The following SLC25A21 variants were observed in gnomAD, a reference collection of about 807,000 sequenced individuals.
SLC25A21 encodes solute carrier family 25 member 21, also known as mitochondrial 2-oxodicarboxylate carrier.
A neutral mutation model predicts 43.8 loss-of-function variants in SLC25A21; 47 were observed. The observed-to-expected ratio is 1.07, with a 90% CI of 0.85 to 1.37. SLC25A21 has a LOEUF of 1.37. Ranked by LOEUF, SLC25A21 falls within the 40% of genes most tolerant of loss-of-function variation. The pLI, the probability that SLC25A21 is intolerant of heterozygous loss-of-function variation, is 0.00. For synonymous variants in SLC25A21, 131 were observed against 121.3 expected (o/e 1.08, Z -0.52); for missense variants, 352 against 350.2 (o/e 1.00, Z -0.04).
chr14:37,040,385 A>AAGAG (rs1961439927), intron 1 of SLC25A21, among the ~76,000 whole-genome samples: 1 of 66,900 alleles, frequency 1.5e-5, no homozygotes, highest in Non-Finnish European at 2.6e-5. Flanking sequence ...GAAAGAAAGA[A>AAGAG]AGAAAGAAAG....
chr14:36,902,002 T>C (rs1353448541), intron 1 of SLC25A21, among the ~76,000 whole-genome samples: 1 of 152,210 alleles, frequency 6.6e-6, no homozygotes, highest in African/African-American at 2.4e-5. Flanking sequence ...TTAAAAGTTA[T>C]GCATTCTTTT....
intron 2 of SLC25A21, among the ~76,000 whole-genome samples, chr14:36,833,082 T>C (rs1889092131): frequency 6.6e-6 from 1 of 152,148 alleles, no homozygotes; most frequent in South Asian, 2.1e-4. Context: ...TATCAGGCAT[T>C]AAGGATACCA....
chr14:36,962,269 T>A (rs2138675462), intron 1 of SLC25A21, among the ~76,000 whole-genome samples: 1 of 152,316 alleles, frequency 6.6e-6, no homozygotes. Flanking sequence ...GATGGTAAAA[T>A]AGTTACTACG....
chr14:36,744,898 T>C (rs960627514), intron 3 of SLC25A21, among the ~76,000 whole-genome samples: 1 of 151,956 alleles, frequency 6.6e-6, no homozygotes, highest in Non-Finnish European at 1.5e-5. Context: ...CTAGGGTACA[T>C]GTACACAACG....
chr14:37,156,846 C>A (rs1461715452), intron 1 of SLC25A21, among the ~76,000 whole-genome samples: 1 of 151,968 alleles, frequency 6.6e-6, no homozygotes, highest in African/African-American at 2.4e-5. Context: ...GACTTCAACA[C>A]CCTACTTTCA....
intron 6 of SLC25A21, 80 bp downstream of exon 6, chr14:36,725,490 A>C: frequency 2.6e-6 from 1 of 385,722 alleles, no homozygotes; most frequent in Non-Finnish European, 4.1e-6. Flanking sequence ...TAAATAAATA[A>C]ATAAATAAAT....
chr14:36,797,269 A>G (rs535006619), intron 3 of SLC25A21, among the ~76,000 whole-genome samples: 3 of 152,322 alleles, frequency 2.0e-5, no homozygotes, highest in African/African-American at 7.2e-5. Flanking sequence ...CCATTCATAG[A>G]AAGATCAGAT....
chr14:36,748,468 C>T (rs936619927), intron 3 of SLC25A21, among the ~76,000 whole-genome samples: 1 of 152,206 alleles, frequency 6.6e-6, no homozygotes, highest in Non-Finnish European at 1.5e-5. Flanking sequence ...ACTGAGTCAA[C>T]GTCTACATGT....
intron 3 of SLC25A21, among the ~76,000 whole-genome samples, chr14:36,746,494 G>C (rs1253709942): frequency 6.6e-6 from 1 of 152,028 alleles, no homozygotes. Context: ...CCACCTACTG[G>C]GTATAATGTA....
chr14:36,889,323 T>G (rs1891014095), intron 1 of SLC25A21, among the ~76,000 whole-genome samples: 1 of 152,188 alleles, frequency 6.6e-6, no homozygotes, highest in Non-Finnish European at 1.5e-5. Context: ...TGAAACTGAC[T>G]GCATGTCATG....
intron 2 of SLC25A21, among the ~76,000 whole-genome samples, chr14:36,830,047 T>C (rs1006975650): frequency 6.6e-6 from 1 of 152,108 alleles, no homozygotes; most frequent in Non-Finnish European, 1.5e-5. Flanking sequence ...GAATCCAAGT[T>C]ATTACATTTA....
intron 2 of SLC25A21, among the ~76,000 whole-genome samples, chr14:36,825,189 A>C (rs2138468804): frequency 6.6e-6 from 1 of 152,294 alleles, no homozygotes; most frequent in Admixed American, 6.5e-5. Context: ...TGCGTACTGA[A>C]TGCCTGAGGA....
chr14:36,689,538 TA>T (rs909209322), intron 7 of SLC25A21, among the ~76,000 whole-genome samples: 1 of 152,210 alleles, frequency 6.6e-6, no homozygotes, highest in Admixed American at 6.5e-5. Flanking sequence ...ACAAAGAGGC[TA>T]AAAATAGGAA....
chr14:36,705,776 G>A (rs944025424), intron 7 of SLC25A21, among the ~76,000 whole-genome samples: 1 of 152,080 alleles, frequency 6.6e-6, no homozygotes, highest in Admixed American at 6.5e-5. Context: ...GTCAGAGTGC[G>A]TGAAATCTCA....
chr14:37,112,126 CTTCA>C (rs978342916), intron 1 of SLC25A21, among the ~76,000 whole-genome samples: 16 of 151,680 alleles, frequency 1.1e-4, no homozygotes, highest in African/African-American at 3.6e-4. Context: ...TCTTTCCTTC[CTTCA>C]TTATTTTCTC....
intron 2 of SLC25A21, among the ~76,000 whole-genome samples, chr14:36,864,584 C>A (rs945597979): frequency 9.9e-5 from 15 of 152,182 alleles, no homozygotes; most frequent in Non-Finnish European, 1.5e-4. Flanking sequence ...TGGTCATGCA[C>A]CTTCAAAAGC....
intron 1 of SLC25A21, among the ~76,000 whole-genome samples, chr14:37,043,370 A>C (rs976871820): frequency 1.3e-5 from 2 of 152,182 alleles, no homozygotes; most frequent in African/African-American, 4.8e-5. Context: ...GCATGGTCCA[A>C]AAGACCGTTC....
At chr14:36,800,890 A>G (rs1286395458) in intron 3 of SLC25A21, among the ~76,000 whole-genome samples, 1 of 152,134 alleles carries the variant, frequency 6.6e-6, no homozygotes, top group African/African-American at 2.4e-5. Context: ...TATTGAGTAG[A>G]GGACACTGTG....
At chr14:36,766,692 C>T (rs58138219) in intron 3 of SLC25A21, among the ~76,000 whole-genome samples, 193 of 152,224 alleles carry the variant, frequency 1.3e-3, no homozygotes, top group African/African-American at 4.5e-3. Context: ...CATGTATCGA[C>T]TCTCATTTCA....
Sources: allele counts gnomAD v4.1 joint callset (sites outside exome capture counted in the v4.1 genomes callset), GRCh38; gene constraint gnomAD v4.1.1; transcripts MANE v1.5; gene names NCBI Gene and HGNC (gene_info 2026-07-23, HGNC 2026-07-21).